The following ADGRG6 variants were observed in gnomAD, a reference collection of about 807,000 sequenced individuals.
The protein encoded by ADGRG6 is adhesion G protein-coupled receptor G6.
In ADGRG6, 84 loss-of-function variants were observed where a neutral mutation model predicts 142.4. The ratio of observed to expected loss-of-function variants is 0.59; its 90% CI spans 0.49 to 0.71. The LOEUF (loss-of-function observed/expected upper bound fraction) is 0.71, where lower values mean the gene tolerates loss of function less well. Among genes scored for constraint, ADGRG6 ranks in the 30% least tolerant of loss-of-function variants. ADGRG6 has a pLI of 0.00. For missense variants in ADGRG6, 1,367 were observed against 1,466.6 expected, an observed-to-expected ratio of 0.93 and a Z score of 1.11; for synonymous variants, 521 against 520.5, an observed-to-expected ratio of 1.00 and a Z score of -0.01.
intron 2 of ADGRG6, among the ~76,000 whole-genome samples, chr6:142,319,873 T>G (rs959228597): frequency 6.6e-6 from 1 of 152,146 alleles, no homozygotes; most frequent in Non-Finnish European, 1.5e-5. Flanking sequence ...CTCCCATCTG[T>G]GGGAACTAGA....
At chr6:142,392,666 T>G (rs1399828198) in intron 7 of ADGRG6, among the ~76,000 whole-genome samples, 1 of 152,036 alleles carries the variant, frequency 6.6e-6, no homozygotes, top group Non-Finnish European at 1.5e-5. Flanking sequence ...ATTTCTTATC[T>G]GTGAAAGCTC....
chr6:142,367,630 A>G lies in ADGRG6; in HGVS notation c.165A>G (p.Pro55=), dbSNP rs768465606. The change falls in exon 3 of 25, where the codon CCA becomes CCG. Residue 55 remains proline, a synonymous_variant. Coordinates refer to ENST00000367609, the MANE Select transcript of ADGRG6 (RefSeq NM_198569.3). ...ACCCTTCTGGGACCTTTACTTCTCC[A>G]TGCTACCCTAACGACTACCCAAACA... ...LSNPSGTFTS[P]CYPNDYPNSQ... The G allele has an allele frequency of 3.2e-5, 51 of 1,613,608 alleles. No individual in the cohort carries two copies. Among genetic ancestry groups the G allele is most frequent in the Non-Finnish European group, 3.9e-5 (46 of 1,179,858 alleles).
chr6:142,419,948 A>G lies in ADGRG6; in HGVS notation c.3163A>G (p.Ser1055Gly). 1 of 1,613,608 alleles carries G rather than the reference A, an allele frequency of 6.2e-7. No homozygotes were observed. Among genetic ancestry groups the G allele is most frequent in the South Asian group, 1.1e-5 (1 of 91,082 alleles). The change falls in exon 22 of 25, where the codon AGC (serine) becomes GGC (glycine). Residue 1055 changes from serine (S) to glycine (G), a missense_variant. By Grantham distance (56) the Ser-to-Gly change is moderately conservative. This residue lies in a region of ADGRG6 where 344 missense variants were observed against 348.7 expected (regional missense o/e 0.99). Transcript: ENST00000367609. ...GATCTGTGGGAGGAATGGCAAGAGA[A>G]GCAACCGGACCCTGAGAGAAGAAGT... The part of the protein sequence containing the change: ...VQICGRNGKR[S>G]NRTLREEVLR...
At chr6:142,405,897 CT>C in intron 15 of ADGRG6, 69 bp downstream of exon 15, 1 of 1,140,336 alleles carries the variant, frequency 8.8e-7, no homozygotes, top group Non-Finnish European at 1.2e-6. Context: ...GAAAACAAAA[CT>C]TTAGATTCTG....
chr6:142,414,387 A>G (rs1023680720), intron 18 of ADGRG6, among the ~76,000 whole-genome samples: 5 of 152,178 alleles, frequency 3.3e-5, no homozygotes, highest in African/African-American at 1.2e-4. Context: ...AAAAGTCTTA[A>G]TGGCATCTCA....
chr6:142,318,210 T>TTATATTA, intron 2 of ADGRG6, among the ~76,000 whole-genome samples: 1 of 37,084 alleles, frequency 2.7e-5, no homozygotes, highest in South Asian at 6.3e-4. Context: ...TTATATATAT[T>TTATATTA]TATATATTAT....
chr6:142,306,389 A>T (rs1211791450), intron 1 of ADGRG6, among the ~76,000 whole-genome samples: 1 of 152,230 alleles, frequency 6.6e-6, no homozygotes, highest in Non-Finnish European at 1.5e-5. Flanking sequence ...GCCTATGTAG[A>T]TTGAAAAAGA....
chr6:142,331,691 A>G (rs1045852850), intron 2 of ADGRG6, among the ~76,000 whole-genome samples: 1 of 152,198 alleles, frequency 6.6e-6, no homozygotes, highest in Non-Finnish European at 1.5e-5. Flanking sequence ...ATGGAATAGA[A>G]TAATGAAAAC....
chr6:142,379,495 C>A (rs191956792), intron 4 of ADGRG6, among the ~76,000 whole-genome samples: 1 of 152,180 alleles, frequency 6.6e-6, no homozygotes, highest in African/African-American at 2.4e-5. Context: ...AGGCCGGGCA[C>A]GGTGGCTCAC....
intron 21 of ADGRG6, among the ~76,000 whole-genome samples, chr6:142,418,316 A>C (rs943765682): frequency 6.6e-6 from 1 of 151,212 alleles, no homozygotes; most frequent in Middle Eastern, 3.4e-3. Flanking sequence ...AAAAAAAAAA[A>C]AACCCACTTA....
intron 5 of ADGRG6, among the ~76,000 whole-genome samples, chr6:142,382,422 G>A (rs1781813801): frequency 6.6e-6 from 1 of 152,092 alleles, no homozygotes; most frequent in Non-Finnish European, 1.5e-5. Context: ...TGACTATTCA[G>A]TTAACTTTAA....
chr6:142,322,619 T>C (rs1225354289), intron 2 of ADGRG6, among the ~76,000 whole-genome samples: 2 of 152,118 alleles, frequency 1.3e-5, no homozygotes, highest in African/African-American at 2.4e-5. Context: ...CATATCCTTT[T>C]TCATAATATA....
At chr6:142,392,396 C>G (rs1774939486) in intron 7 of ADGRG6, among the ~76,000 whole-genome samples, 1 of 151,500 alleles carries the variant, frequency 6.6e-6, no homozygotes, top group Non-Finnish European at 1.5e-5. Context: ...ATACATAGTT[C>G]CAATAGTATT....
intron 2 of ADGRG6, among the ~76,000 whole-genome samples, chr6:142,365,086 A>G (rs899739955): frequency 4.8e-4 from 73 of 152,256 alleles, no homozygotes; most frequent in Admixed American, 1.8e-3. Flanking sequence ...TTTAATCTCC[A>G]GTGCCTATAA....
intron 2 of ADGRG6, among the ~76,000 whole-genome samples, chr6:142,351,816 G>C (rs1035713929): frequency 1.3e-5 from 2 of 152,022 alleles, no homozygotes; most frequent in Non-Finnish European, 2.9e-5. Flanking sequence ...AAATATCCAG[G>C]ATCTATAAGG....
intron 2 of ADGRG6, among the ~76,000 whole-genome samples, chr6:142,338,125 A>T (rs988905019): frequency 1.1e-4 from 15 of 141,904 alleles, no homozygotes; most frequent in African/African-American, 3.1e-4. Flanking sequence ...GGTTCACGCC[A>T]TTCTCCTGCC....
chr6:142,445,668 A>G lies in ADGRG6; in HGVS notation c.*2153A>G, dbSNP rs1040904537. 1 of 152,156 alleles carries G rather than the reference A, an allele frequency of 6.6e-6. No homozygotes were observed. The highest frequency in any genetic ancestry group is 1.5e-5 in the Non-Finnish European group (1 of 68,022). The allele number at this position is 152,156 out of a possible 1,614,324, so 9.4% of individuals were successfully genotyped here. A position where few individuals can be genotyped will look rare whatever the true frequency, so the allele number is the denominator to read the frequency against. On this transcript the variant is annotated 3_prime_UTR_variant, in exon 25 of 25. Coordinates refer to ENST00000367609, the MANE Select transcript of ADGRG6 (RefSeq NM_198569.3). ...AATTGCTCAAGGGAAACATTTGTAA[A>G]TGGATTTGAAAGATTGAGCCAAATT...
At chr6:142,367,224 G>T (rs1011902068) in intron 2 of ADGRG6, among the ~76,000 whole-genome samples, 1 of 152,120 alleles carries the variant, frequency 6.6e-6, no homozygotes, top group Non-Finnish European at 1.5e-5. Flanking sequence ...GAAATTCGCT[G>T]TTGCCTCCTG....
intron 11 of ADGRG6, 34 bp downstream of exon 11, chr6:142,400,630 A>G (rs1775468374): frequency 1.9e-6 from 2 of 1,061,876 alleles, no homozygotes; most frequent in Middle Eastern, 2.0e-4. Context: ...CAGCAAAGCT[A>G]CATGTTATCA....
Sources: gnomAD v4.1 joint callset for allele counts (sites outside exome capture counted in the v4.1 genomes callset) on GRCh38, gnomAD v4.1.1 for gene constraint, gnomAD v4.1.1 regional missense constraint, MANE v1.5 for transcripts, NCBI Gene and HGNC (gene_info 2026-07-23, HGNC 2026-07-21) for gene names.